GRM8: variants seen among roughly 807,000 people sequenced by gnomAD.
The protein encoded by GRM8 is metabotropic glutamate receptor 8.
In GRM8, 47 loss-of-function variants were observed where a neutral mutation model predicts 87.2. The ratio of observed to expected loss-of-function variants is 0.54; its 90% CI spans 0.43 to 0.69. The LOEUF (loss-of-function observed/expected upper bound fraction) is 0.69. GRM8 is among the 30% of genes least tolerant of loss of function. The pLI is 0.00. For missense variants in GRM8, 1,019 were observed against 1,139.2 expected, an observed-to-expected ratio of 0.89 and a Z score of 1.52; for synonymous variants, 396 against 404.5, an observed-to-expected ratio of 0.98 and a Z score of 0.25.
intron 3 of GRM8, among the ~76,000 whole-genome samples, chr7:127,036,593 C>A (rs17866947): frequency 6.6e-6 from 1 of 152,152 alleles, no homozygotes; most frequent in African/African-American, 2.4e-5. Flanking sequence ...AGTATTGGCC[C>A]TAATAGGATT....
intron 7 of GRM8, among the ~76,000 whole-genome samples, chr7:126,672,835 C>A (rs1433158983): frequency 6.6e-6 from 1 of 152,148 alleles, no homozygotes; most frequent in Admixed American, 6.6e-5. Flanking sequence ...CTCCTGTAAC[C>A]AGAGCCTCTC....
rs571870617 is a variant in GRM8 at position 127,093,957 on chromosome 7, C to T, written c.727+12539G>A. Reference sequence around the variant, plus strand: ...TTTCAATCAACTATTCATCTGCTAGCCTTCTGATTTTATTATATTATGAAG... The same window carrying T: ...TTTCAATCAACTATTCATCTGCTAGTCTTCTGATTTTATTATATTATGAAG... On this transcript the variant is annotated intron_variant, in intron 3 of 10. Transcript: ENST00000339582. Among the ~76,000 whole-genome samples, 6 of 152,300 alleles carry T rather than the reference C, an allele frequency of 3.9e-5. No individual in the cohort carries two copies. In the East Asian group the frequency reaches 1.2e-3, roughly 29 times the overall value.
At chr7:126,799,095 G>A (rs1333233305) in intron 6 of GRM8, among the ~76,000 whole-genome samples, 1 of 152,092 alleles carries the variant, frequency 6.6e-6, no homozygotes, top group East Asian at 1.9e-4. Context: ...AACTAGTGTA[G>A]ACACTCTCAT....
rs553468202 is a variant in GRM8 at position 126,533,197 on chromosome 7, G to A, written c.2185C>T (p.Arg729Trp). 3.1e-5 allele frequency: 50 copies of A among 1,612,488 alleles called. No individual in the cohort carries two copies. The highest frequency in any genetic ancestry group is 1.4e-4 in the South Asian group (13 of 90,940). Residue 729 changes from arginine (R) to tryptophan (W), a missense_variant, in exon 9 of 11, where the codon CGG (arginine) becomes TGG (tryptophan). Coordinates refer to ENST00000339582, the MANE Select transcript of GRM8 (RefSeq NM_000845.3). ...PHIIIDYGEQ[R>W]TLDPEKARGV... ...CTGGCCTTCTCTGGATCTAGTGTCC[G>A]CTGCTCTCCATAGTCAATGATGATG... is the stretch of plus-strand genomic sequence containing the variant.
rs1798920856 is a variant in GRM8, at chr7:127,252,344, A to G, written c.-312+453T>C. The G allele has an allele frequency of 6.6e-6, 1 of 152,222 alleles. No individual in the cohort carries two copies. Among genetic ancestry groups the G allele is most frequent in the African/African-American group, 2.4e-5 (1 of 41,444 alleles). The allele number at this position is 152,222 out of a possible 1,614,324, so 9.4% of individuals were successfully genotyped here. A position where few individuals can be genotyped will look rare whatever the true frequency, so the allele number is the denominator to read the frequency against. On this transcript the variant is annotated intron_variant, in intron 1 of 10. Transcript: ENST00000339582. This position sits in a 1 kb window ranked among gnomAD's most constrained non-coding sequence, Gnocchi z 4.9. ...TCTCCAAGCCTTGGGAGTTCCGGGT[A>G]AAGTCTCCCTCTTTTCTGAACCTCT...
intron 8 of GRM8, among the ~76,000 whole-genome samples, chr7:126,584,557 T>C (rs139722056): frequency 1.4e-4 from 22 of 152,348 alleles, no homozygotes; most frequent in African/African-American, 3.1e-4. Context: ...TCCGAAATCA[T>C]TTAATTTTCT....
chr7:127,139,062 G>A (rs1284856909), intron 2 of GRM8, among the ~76,000 whole-genome samples: 1 of 152,066 alleles, frequency 6.6e-6, no homozygotes, highest in East Asian at 1.9e-4. Flanking sequence ...TGGCAGAGGT[G>A]GAACTCCAAC....
At chr7:126,959,588 G>A (rs1375083239) in intron 3 of GRM8, among the ~76,000 whole-genome samples, 1 of 152,004 alleles carries the variant, frequency 6.6e-6, no homozygotes, top group African/African-American at 2.4e-5. Flanking sequence ...GAGATTTCAA[G>A]CAAAAAGGGC....
intron 2 of GRM8, among the ~76,000 whole-genome samples, chr7:127,140,587 G>A (rs1413227421): frequency 6.6e-6 from 1 of 152,086 alleles, no homozygotes; most frequent in East Asian, 1.9e-4. Flanking sequence ...AATGCCCTTG[G>A]GTGGAGTATG....
chr7:126,976,610 C>CAAA (rs1413245357), intron 3 of GRM8, among the ~76,000 whole-genome samples: 2 of 151,016 alleles, frequency 1.3e-5, no homozygotes, highest in South Asian at 2.1e-4. Flanking sequence ...ACAACAACAA[C>CAAA]AAAAAAAACG....
chr7:126,513,313 T>A (rs534350350), intron 9 of GRM8, among the ~76,000 whole-genome samples: 1 of 152,162 alleles, frequency 6.6e-6, no homozygotes. Context: ...GGGTATTTTT[T>A]TTTTAAGAAT....
chr7:127,111,788 A>C (rs1442558069), intron 2 of GRM8, among the ~76,000 whole-genome samples: 2 of 152,136 alleles, frequency 1.3e-5, no homozygotes, highest in African/African-American at 4.8e-5. Context: ...GCAGTTTGGG[A>C]GGCTGAGGTG....
intron 6 of GRM8, among the ~76,000 whole-genome samples, chr7:126,894,424 C>A (rs1801345458): frequency 1.3e-5 from 2 of 151,976 alleles, no homozygotes; most frequent in Non-Finnish European, 2.9e-5. Context: ...CAAGATAATG[C>A]CAGCTTCTGT....
At chr7:126,901,953 G>A (rs1455506840) in intron 6 of GRM8, among the ~76,000 whole-genome samples, 26 of 151,590 alleles carry the variant, frequency 1.7e-4, no homozygotes, top group Non-Finnish European at 1.5e-5. Flanking sequence ...AAAATTATGC[G>A]AGTTTTTTTT....
At chr7:127,102,165 T>C (rs1183632692) in intron 3 of GRM8, among the ~76,000 whole-genome samples, 1 of 152,224 alleles carries the variant, frequency 6.6e-6, no homozygotes, top group Non-Finnish European at 1.5e-5. Context: ...CTGCTTTTAA[T>C]AACCTATATC....
intron 7 of GRM8, among the ~76,000 whole-genome samples, chr7:126,701,045 A>G (rs1809865733): frequency 1.3e-5 from 2 of 151,736 alleles, no homozygotes; most frequent in Non-Finnish European, 2.9e-5. Flanking sequence ...ATGTATATAT[A>G]TATGTGTGTA....
intron 3 of GRM8, among the ~76,000 whole-genome samples, chr7:126,994,686 G>A (rs964712046): frequency 6.6e-6 from 1 of 152,132 alleles, no homozygotes; most frequent in Non-Finnish European, 1.5e-5. Context: ...AATGGAAAGA[G>A]CTTTGTCTTA....
chr7:127,039,196 G>GT (rs1818121120), intron 3 of GRM8, among the ~76,000 whole-genome samples: 2 of 152,206 alleles, frequency 1.3e-5, no homozygotes, highest in African/African-American at 4.8e-5. Flanking sequence ...AGCTCAGAAT[G>GT]TGGCTGTATT....
intron 9 of GRM8, among the ~76,000 whole-genome samples, chr7:126,530,525 C>A (rs187419583): frequency 6.6e-6 from 1 of 152,206 alleles, no homozygotes; most frequent in African/African-American, 2.4e-5. Context: ...AGCCGACTGA[C>A]ATGGGCTCAA....
Sources: gnomAD v4.1 joint callset for allele counts (sites outside exome capture counted in the v4.1 genomes callset) on GRCh38, gnomAD v4.1.1 for gene constraint, Gnocchi (gnomAD v3.1) non-coding constraint, MANE v1.5 for transcripts, NCBI Gene and HGNC (gene_info 2026-07-23, HGNC 2026-07-21) for gene names.